Variants in FBXL4 observed in about 807,000 individuals in gnomAD.
FBXL4 encodes F-box/LRR-repeat protein 4.
A neutral mutation model predicts 58.9 loss-of-function variants in FBXL4; 40 were observed. The ratio of observed to expected loss-of-function variants is 0.68; its 90% CI spans 0.53 to 0.88. The LOEUF is 0.88. FBXL4 is among the 40% of genes least tolerant of loss of function. The pLI, the probability that FBXL4 is intolerant of heterozygous loss-of-function variation, is 0.00. For synonymous variants in FBXL4, 263 were observed against 265.5 expected, an observed-to-expected ratio of 0.99 and a Z score of 0.09; for missense variants, 676 against 734.4, an observed-to-expected ratio of 0.92 and a Z score of 0.92.
chr6:98,933,631 A>C (rs1165846102), intron 2 of FBXL4, among the ~76,000 whole-genome samples: 4 of 152,150 alleles, frequency 2.6e-5, no homozygotes, highest in African/African-American at 9.7e-5. Flanking sequence ...ATTATTTGCT[A>C]TTTCTTACAT....
At chr6:98,946,566 A>G (rs1162853002) in intron 1 of FBXL4, among the ~76,000 whole-genome samples, 1 of 152,246 alleles carries the variant, frequency 6.6e-6, no homozygotes, top group Non-Finnish European at 1.5e-5. Flanking sequence ...CATTGTACAG[A>G]GTACTATAAT....
At chr6:98,913,110 T>G (rs931227184) in intron 5 of FBXL4, among the ~76,000 whole-genome samples, 17 of 152,128 alleles carry the variant, frequency 1.1e-4, no homozygotes, top group South Asian at 2.1e-4. Context: ...AGGGATCAAT[T>G]CAACAAGAAG....
intron 7 of FBXL4, among the ~76,000 whole-genome samples, chr6:98,884,189 A>G (rs1050035022): frequency 2.8e-4 from 43 of 152,210 alleles, no homozygotes; most frequent in African/African-American, 9.9e-4. Context: ...CTTTATATAT[A>G]TAAATCCTCA....
intron 7 of FBXL4, among the ~76,000 whole-genome samples, chr6:98,883,513 A>G (rs1770923993): frequency 6.6e-6 from 1 of 151,920 alleles, no homozygotes; most frequent in African/African-American, 2.4e-5. Flanking sequence ...CTAAGGAAGA[A>G]TCTAAGATTC....
At chr6:98,917,750 A>C in intron 4 of FBXL4, 31 bp from the exon 5 acceptor site, 1 of 1,515,170 alleles carries the variant, frequency 6.6e-7, no homozygotes, top group South Asian at 1.3e-5. Context: ...CCTATAATAC[A>C]GTTTAGAATG....
At chr6:98,944,669 C>CTCCCTCTGG (rs1279470180) in intron 1 of FBXL4, among the ~76,000 whole-genome samples, 3 of 152,126 alleles carry the variant, frequency 2.0e-5, no homozygotes, top group Admixed American at 1.3e-4. Flanking sequence ...AAAGAGATGT[C>CTCCCTCTGG]TCCCTCTGGT....
chr6:98,898,727 T>A, intron 7 of FBXL4: 1 of 984,590 alleles, frequency 1.0e-6, no homozygotes, highest in Non-Finnish European at 1.2e-6. Context: ...TGGTATAACA[T>A]ACACTATTAC....
intron 2 of FBXL4, among the ~76,000 whole-genome samples, chr6:98,928,454 G>A (rs1346510423): frequency 1.3e-5 from 2 of 151,778 alleles, no homozygotes; most frequent in Admixed American, 6.6e-5. Flanking sequence ...TCATCCTCCT[G>A]AGTAGCTGGG....
intron 7 of FBXL4, among the ~76,000 whole-genome samples, chr6:98,893,378 T>C (rs893146934): frequency 2.0e-5 from 3 of 151,754 alleles, no homozygotes; most frequent in African/African-American, 7.2e-5. Context: ...AAGACTTCTC[T>C]TACTGGCTTG....
At chr6:98,909,160 T>C (rs991290236) in intron 5 of FBXL4, among the ~76,000 whole-genome samples, 1 of 152,204 alleles carries the variant, frequency 6.6e-6, no homozygotes, top group Non-Finnish European at 1.5e-5. Context: ...AAGTCTAAAG[T>C]ATCTGTGACT....
At chr6:98,915,223 T>C (rs1281653805) in intron 5 of FBXL4, among the ~76,000 whole-genome samples, 5 of 151,404 alleles carry the variant, frequency 3.3e-5, no homozygotes, top group Admixed American at 3.3e-4. Flanking sequence ...AGAATCAATA[T>C]CGTGAAAATG....
chr6:98,902,141 G>GTAA (rs1237805696), intron 6 of FBXL4, among the ~76,000 whole-genome samples: 1 of 152,004 alleles, frequency 6.6e-6, no homozygotes, highest in Non-Finnish European at 1.5e-5. Context: ...AAAATAAAAG[G>GTAA]TAATAGTCCT....
At chr6:98,894,193 C>G (rs1771332109) in intron 7 of FBXL4, among the ~76,000 whole-genome samples, 1 of 152,168 alleles carries the variant, frequency 6.6e-6, no homozygotes. Flanking sequence ...TACAGCTCTA[C>G]TTTCACGAAA....
intron 1 of FBXL4, among the ~76,000 whole-genome samples, chr6:98,946,440 G>A (rs935403215): frequency 6.6e-6 from 1 of 152,154 alleles, no homozygotes; most frequent in Non-Finnish European, 1.5e-5. Flanking sequence ...TGTTAGATCC[G>A]CGAAGTTAAG....
intron 8 of FBXL4, among the ~76,000 whole-genome samples, chr6:98,879,283 C>T (rs1001626581): frequency 1.3e-5 from 2 of 152,146 alleles, no homozygotes; most frequent in African/African-American, 4.8e-5. Context: ...TTTGCTAATT[C>T]AAGTCTTCCT....
At chr6:98,906,393 C>T (rs1771814052) in intron 5 of FBXL4, among the ~76,000 whole-genome samples, 1 of 151,712 alleles carries the variant, frequency 6.6e-6, no homozygotes, top group African/African-American at 2.4e-5. Context: ...CATTGTTCAG[C>T]TCCCACTTAT....
At chr6:98,915,318 A>G (rs1297051950) in intron 5 of FBXL4, among the ~76,000 whole-genome samples, 1 of 152,202 alleles carries the variant, frequency 6.6e-6, no homozygotes, top group Non-Finnish European at 1.5e-5. Context: ...GGAAAAAACT[A>G]CTTTAAAGTT....
At chr6:98,915,620 T>G (rs1433104701) in intron 5 of FBXL4, among the ~76,000 whole-genome samples, 1 of 152,006 alleles carries the variant, frequency 6.6e-6, no homozygotes, top group Non-Finnish European at 1.5e-5. Flanking sequence ...TAGCCATATG[T>G]AGAAAGCTGA....
chr6:98,903,760 T>A (rs1771700352), intron 6 of FBXL4, among the ~76,000 whole-genome samples: 1 of 152,178 alleles, frequency 6.6e-6, no homozygotes, highest in Non-Finnish European at 1.5e-5. Flanking sequence ...TGCAGCACTT[T>A]GCCAGTACAG....
Sources: gnomAD v4.1 joint callset for allele counts (sites outside exome capture counted in the v4.1 genomes callset) on GRCh38, gnomAD v4.1.1 for gene constraint, MANE v1.5 for transcripts, NCBI Gene and HGNC (gene_info 2026-07-23, HGNC 2026-07-21) for gene names.